The following CFAP141 variants were observed in gnomAD, a reference collection of about 807,000 sequenced individuals.
The protein encoded by CFAP141 is cilia- and flagella-associated protein 141.
At chr1:154,203,136 C>CA in the CFAP141 span, among the ~76,000 whole-genome samples, 23 of 56,756 alleles carry the variant, frequency 4.1e-4, no homozygotes, top group South Asian at 1.0e-3. Flanking sequence ...GACTCTGCCT[C>CA]AAAAAAAAAA....
chr1:154,202,611 T>A, the CFAP141 span, among the ~76,000 whole-genome samples: 1 of 148,762 alleles, frequency 6.7e-6, no homozygotes, highest in Non-Finnish European at 1.5e-5. Context: ...CCATCCTCAC[T>A]AACACGGTGA....
the CFAP141 span, among the ~76,000 whole-genome samples, chr1:154,202,734 G>C: frequency 2.6e-5 from 4 of 151,872 alleles, no homozygotes; most frequent in African/African-American, 9.7e-5. Flanking sequence ...CCAGGAGACA[G>C]AGCTTGCAGT....
the CFAP141 span, among the ~76,000 whole-genome samples, chr1:154,205,894 G>C: frequency 6.6e-6 from 1 of 151,980 alleles, no homozygotes; most frequent in African/African-American, 2.4e-5. Context: ...GTAGAGATGG[G>C]GTTTCTCCAT....
the CFAP141 span, chr1:154,205,545 C>A: frequency 6.5e-7 from 1 of 1,540,840 alleles, no homozygotes; most frequent in Admixed American, 1.7e-5. Flanking sequence ...GGGAAGACAG[C>A]AGAGTGGAAA....
chr1:154,201,190 G>A, the CFAP141 span, among the ~76,000 whole-genome samples: 2 of 152,028 alleles, frequency 1.3e-5, no homozygotes, highest in South Asian at 4.1e-4. Flanking sequence ...GAGTGCAATG[G>A]TGTGATCTCG....
the CFAP141 span, among the ~76,000 whole-genome samples, chr1:154,203,699 G>A: frequency 6.6e-6 from 1 of 152,066 alleles, no homozygotes; most frequent in Non-Finnish European, 1.5e-5. Flanking sequence ...TTACAAGTAT[G>A]AGCCACCACA....
chr1:154,205,601 T>A, the CFAP141 span: 1 of 1,613,994 alleles, frequency 6.2e-7, no homozygotes, highest in Non-Finnish European at 8.5e-7. Flanking sequence ...AGATTACCTG[T>A]CGACCGTCTT....
At chr1:154,199,547 T>G in the CFAP141 span, 1 of 1,518,132 alleles carries the variant, frequency 6.6e-7, no homozygotes, top group Non-Finnish European at 9.0e-7. Flanking sequence ...GAGGGCAGAA[T>G]AGAGTGTGTT....
chr1:154,203,204 T>TATAC, the CFAP141 span, among the ~76,000 whole-genome samples: 2 of 74,048 alleles, frequency 2.7e-5, no homozygotes, highest in South Asian at 5.3e-4. Flanking sequence ...TATATATATA[T>TATAC]ATATATATAT....
the CFAP141 span, among the ~76,000 whole-genome samples, chr1:154,204,035 G>A: frequency 1.3e-5 from 2 of 152,062 alleles, no homozygotes; most frequent in Non-Finnish European, 2.9e-5. Flanking sequence ...AGGTTGCAGC[G>A]AGCTGAGATC....
At chr1:154,206,147 T>A in the CFAP141 span, 1 of 875,888 alleles carries the variant, frequency 1.1e-6, no homozygotes, top group Non-Finnish European at 2.0e-6. Context: ...AGCCTCCCAC[T>A]CCTGTTACTA....
chr1:154,203,346 G>T, the CFAP141 span, among the ~76,000 whole-genome samples: 1 of 146,392 alleles, frequency 6.8e-6, no homozygotes, highest in Non-Finnish European at 1.5e-5. Flanking sequence ...TGCAACCTCT[G>T]CCTCCCAGGT....
At chr1:154,201,020 G>T in the CFAP141 span, among the ~76,000 whole-genome samples, 1 of 151,526 alleles carries the variant, frequency 6.6e-6, no homozygotes, top group Non-Finnish European at 1.5e-5. Context: ...CTGCCCCACT[G>T]TTAGAAGACT....
chr1:154,204,479 C>T, the CFAP141 span, among the ~76,000 whole-genome samples: 1 of 152,090 alleles, frequency 6.6e-6, no homozygotes, highest in South Asian at 2.1e-4. Flanking sequence ...GGGGGTCTTG[C>T]CATGTTGCCC....
the CFAP141 span, among the ~76,000 whole-genome samples, chr1:154,203,832 T>A: frequency 4.6e-5 from 7 of 151,132 alleles, no homozygotes; most frequent in East Asian, 1.4e-3. Flanking sequence ...TCCAGCACTT[T>A]GGGAGGCCAA....
chr1:154,202,447 AT>A, the CFAP141 span, among the ~76,000 whole-genome samples: 158 of 152,306 alleles, frequency 1.0e-3, no homozygotes, highest in South Asian at 2.5e-3. Flanking sequence ...TACTGTTGGC[AT>A]TTTTAAAAAA....
At chr1:154,205,516 A>G in the CFAP141 span, 2 of 1,247,614 alleles carry the variant, frequency 1.6e-6, no homozygotes, top group Non-Finnish European at 2.4e-6. Flanking sequence ...GAGATGCAGC[A>G]GAGTTGGGAG....
At chr1:154,204,161 T>C in the CFAP141 span, among the ~76,000 whole-genome samples, 2 of 152,210 alleles carry the variant, frequency 1.3e-5, no homozygotes, top group African/African-American at 4.8e-5. Flanking sequence ...TACCTTCTAG[T>C]GCTTTTCCAA....
chr1:154,205,559 C>A, the CFAP141 span: 3 of 1,599,704 alleles, frequency 1.9e-6, no homozygotes, highest in South Asian at 1.1e-5. Context: ...GTGGAAAGGT[C>A]AAGCTCAAAG....
Sources: gnomAD v4.1 joint callset for allele counts (sites outside exome capture counted in the v4.1 genomes callset) on GRCh38, gnomAD v4.1.1 for gene constraint, MANE v1.5 for transcripts, NCBI Gene and HGNC (gene_info 2026-07-23, HGNC 2026-07-21) for gene names.